SPECC1: variants seen among roughly 807,000 people sequenced by gnomAD.
The protein encoded by SPECC1 is sperm antigen with calponin homology and coiled-coil domains 1, also known as cytospin-B.
A neutral mutation model predicts 104.1 loss-of-function variants in SPECC1; 62 were observed. That is an observed-to-expected ratio of 0.60 (90% CI 0.49 to 0.74). The LOEUF (loss-of-function observed/expected upper bound fraction) is 0.74, where lower values mean the gene tolerates loss of function less well. Among genes scored for constraint, SPECC1 ranks in the 30% least tolerant of loss-of-function variants. SPECC1 has a pLI of 0.00. For missense variants in SPECC1, 1,306 were observed against 1,310.5 expected (o/e 1.00, Z 0.05); for synonymous variants, 513 against 501.6 (o/e 1.02, Z -0.30).
chr17:20,234,083 G>C (rs1420787201), intron 7 of SPECC1, among the ~76,000 whole-genome samples: 1 of 152,152 alleles, frequency 6.6e-6, no homozygotes, highest in Non-Finnish European at 1.5e-5. Flanking sequence ...CGTGAACCCT[G>C]ATATTCTAGG....
chr17:20,270,572 TCACA>T lies in SPECC1; in HGVS notation c.2940+10280_2940+10283del, dbSNP rs551108011. 3.0e-3 allele frequency among the ~76,000 whole-genome samples: 446 copies of T among 147,866 alleles called. 1 individual carries two copies. The highest frequency in any genetic ancestry group is 7.0e-3 in the Middle Eastern group (2 of 284). On this transcript the variant is annotated intron_variant, in intron 12 of 14. Coordinates refer to ENST00000395527, the MANE Select transcript of SPECC1 (RefSeq NM_001243439.2). ...AGTTCAAGGCCTCCGTGAGCTATGA[TCACA>T]CCACTGCACTCCAGCCTGGGCAACA... is the stretch of plus-strand genomic sequence containing the variant.
rs369148657 is a variant in SPECC1 at position 20,309,805 on chromosome 17, TTCTCC to T, written c.3117+3725_3117+3729del. On this transcript the variant is annotated intron_variant, in intron 14 of 14. Coordinates refer to ENST00000395527, the MANE Select transcript of SPECC1 (RefSeq NM_001243439.2). ...TCTTTATCCAGTCTACTGGTTTTCT[TTCTCC>T]TTTTCTTTTTTTTTTTTTTTTTTTT... Among the ~76,000 whole-genome samples the T allele has an allele frequency of 5.5e-3, 666 of 120,190 alleles. 29 individuals are homozygous for T. The East Asian group carries it at 0.11, about 20-fold the overall frequency. 78.8% of individuals were successfully genotyped at this position (120,190 alleles called of 152,430 possible).
chr17:20,231,894 A>T (rs575183474), intron 6 of SPECC1, 63 bp downstream of exon 6: 1 of 1,508,948 alleles, frequency 6.6e-7, no homozygotes, highest in Non-Finnish European at 9.2e-7. Flanking sequence ...CGAGGTGTGG[A>T]TCACTCTCTC....
intron 4 of SPECC1, among the ~76,000 whole-genome samples, chr17:20,216,949 C>G (rs559575285): frequency 2.0e-5 from 3 of 151,448 alleles, no homozygotes; most frequent in Admixed American, 6.6e-5. Flanking sequence ...ACTTGAGCCC[C>G]GGAGTTCAGC....
chr17:20,179,838 A>G (rs1383280320), intron 3 of SPECC1, among the ~76,000 whole-genome samples: 1 of 152,258 alleles, frequency 6.6e-6, no homozygotes, highest in Non-Finnish European at 1.5e-5. Context: ...AATGGAAGAT[A>G]TTAACACGGC....
chr17:20,262,745 T>C (rs2040073297), intron 12 of SPECC1, among the ~76,000 whole-genome samples: 1 of 152,156 alleles, frequency 6.6e-6, no homozygotes, highest in Non-Finnish European at 1.5e-5. Flanking sequence ...TCAGCCAAGA[T>C]CCATCCCAGA....
intron 3 of SPECC1, among the ~76,000 whole-genome samples, chr17:20,202,908 T>C (rs2036528150): frequency 1.3e-5 from 2 of 152,242 alleles, no homozygotes; most frequent in Admixed American, 6.5e-5. Context: ...TTTCTATATA[T>C]TAATTTGACA....
intron 1 of SPECC1, among the ~76,000 whole-genome samples, chr17:20,042,851 C>T (rs779500309): frequency 8.6e-5 from 13 of 152,024 alleles, no homozygotes; most frequent in Non-Finnish European, 1.8e-4. Context: ...TTCTGTGGGC[C>T]TCAAGGCACC....
chr17:20,102,955 AAC>A (rs1340938307), intron 2 of SPECC1, among the ~76,000 whole-genome samples: 1 of 152,214 alleles, frequency 6.6e-6, no homozygotes, highest in Non-Finnish European at 1.5e-5. Context: ...TCCTCAGAGC[AAC>A]ACTCTGAAGT....
At chr17:20,150,289 CTT>C (rs919826782) in intron 3 of SPECC1, among the ~76,000 whole-genome samples, 2 of 140,422 alleles carry the variant, frequency 1.4e-5, no homozygotes, top group African/African-American at 2.6e-5. Flanking sequence ...GGCCTTTTTT[CTT>C]TTTTTTTTTG....
At position 20,009,715 on chromosome 17, in the gene SPECC1, C is replaced by T. The variant is rs1046068563; in HGVS notation, c.-22+291C>T. The T allele has an allele frequency of 3.3e-5, 5 of 152,226 alleles. No individual in the cohort carries two copies. The highest frequency in any genetic ancestry group is 3.3e-4 in the Admixed American group (5 of 15,284). 9.4% of individuals were successfully genotyped at this position (152,226 alleles called of 1,614,324 possible). ...AGGTGGCCGCCTCCTCCCCTCCGGG[C>T]CCGAGGGTTGTCGCAGGGACCCGGG... On this transcript the variant is annotated intron_variant, in intron 1 of 14. Transcript: ENST00000395527. The surrounding 1 kb of genome is among the most constrained non-coding windows in gnomAD (Gnocchi z 5.2).
intron 1 of SPECC1, among the ~76,000 whole-genome samples, chr17:20,021,490 A>G (rs2044371828): frequency 6.6e-6 from 1 of 151,704 alleles, no homozygotes; most frequent in African/African-American, 2.4e-5. Context: ...AGCCTCGTAC[A>G]TGTCTCCTTA....
At chr17:20,225,940 CAAATATTCATT>C (rs1156582917) in intron 4 of SPECC1, among the ~76,000 whole-genome samples, 3 of 152,098 alleles carry the variant, frequency 2.0e-5, no homozygotes, top group Admixed American at 2.0e-4. Context: ...AATCATTCAT[CAAATATTCATT>C]AAATGCCTCC....
At chr17:20,166,941 G>T (rs961106641) in intron 3 of SPECC1, among the ~76,000 whole-genome samples, 7 of 151,832 alleles carry the variant, frequency 4.6e-5, no homozygotes, top group African/African-American at 1.7e-4. Flanking sequence ...GACACCATCT[G>T]TACAAAAAAA....
chr17:20,238,463 T>G (rs1362891754), intron 7 of SPECC1: 2 of 1,042,484 alleles, frequency 1.9e-6, no homozygotes, highest in East Asian at 1.1e-4. Flanking sequence ...GAGCCATTAG[T>G]GACGTTATCC....
intron 3 of SPECC1, among the ~76,000 whole-genome samples, chr17:20,176,147 A>T (rs2526462): frequency 0.71 from 108,042 of 152,098 alleles, 40,123 homozygotes; most frequent in East Asian, 0.99. Context: ...CTTGCTTGCT[A>T]CATTCCCCTC....
intron 14 of SPECC1, among the ~76,000 whole-genome samples, chr17:20,313,299 C>A (rs1272647666): frequency 6.6e-6 from 1 of 152,142 alleles, no homozygotes; most frequent in Non-Finnish European, 1.5e-5. Context: ...AGTAACAATG[C>A]TGGTAAAATA....
intron 9 of SPECC1, among the ~76,000 whole-genome samples, chr17:20,249,235 T>G (rs766164055): frequency 6.6e-6 from 1 of 151,980 alleles, no homozygotes; most frequent in Non-Finnish European, 1.5e-5. Flanking sequence ...GTGGCCGACA[T>G]AGTGAAACCC....
chr17:20,237,069 G>A (rs2038959718), intron 7 of SPECC1: 2 of 1,453,402 alleles, frequency 1.4e-6, no homozygotes. Context: ...TCCACATTTT[G>A]GGATCAGCTT....
Sources: allele counts gnomAD v4.1 joint callset (sites outside exome capture counted in the v4.1 genomes callset), GRCh38; gene constraint gnomAD v4.1.1; non-coding constraint Gnocchi (gnomAD v3.1); transcripts MANE v1.5; gene names NCBI Gene and HGNC (gene_info 2026-07-23, HGNC 2026-07-21).